GRID2: variants seen among roughly 807,000 people sequenced by gnomAD.
GRID2 encodes glutamate receptor ionotropic, delta-2.
GRID2 carries 33 observed loss-of-function variants against 114.8 expected under a neutral mutation model. The ratio of observed to expected loss-of-function variants is 0.29; its 90% confidence interval spans 0.22 to 0.38. The LOEUF (loss-of-function observed/expected upper bound fraction) is 0.38, where lower values mean the gene tolerates loss of function less well. Among genes scored for constraint, GRID2 ranks in the 10% least tolerant of loss-of-function variants. The pLI is 1.00. For synonymous variants in GRID2, 505 were observed against 449.9 expected, an observed-to-expected ratio of 1.12 and a Z score of -1.55; for missense variants, 1,184 against 1,257.7, an observed-to-expected ratio of 0.94 and a Z score of 0.89.
chr4:93,589,144 G>A (rs1305468015), intron 13 of GRID2, among the ~76,000 whole-genome samples: 3 of 151,640 alleles, frequency 2.0e-5, no homozygotes, highest in Non-Finnish European at 4.4e-5. Flanking sequence ...CTGGTGTGCT[G>A]CACGCACTAA....
chr4:92,400,724 T>C (rs548807892), intron 1 of GRID2, among the ~76,000 whole-genome samples: 9 of 152,146 alleles, frequency 5.9e-5, no homozygotes, highest in African/African-American at 2.2e-4. Flanking sequence ...ATTACCACCA[T>C]TAACGCATGA....
chr4:92,385,990 G>C (rs1471344940), intron 1 of GRID2, among the ~76,000 whole-genome samples: 4 of 150,388 alleles, frequency 2.7e-5, no homozygotes, highest in Admixed American at 2.0e-4. Context: ...TGCCCTTTGT[G>C]AAATGTCGTC....
chr4:92,948,993 G>A (rs953146119), intron 2 of GRID2, among the ~76,000 whole-genome samples: 1 of 151,336 alleles, frequency 6.6e-6, no homozygotes. Flanking sequence ...AGTGTGTGTG[G>A]GCTCGTGTGG....
intron 1 of GRID2, among the ~76,000 whole-genome samples, chr4:92,476,216 C>T (rs1034041252): frequency 5.3e-5 from 8 of 151,690 alleles, no homozygotes; most frequent in Non-Finnish European, 1.2e-4. Flanking sequence ...TAGTAGAGAC[C>T]GGGTTTCACC....
At chr4:93,654,578 A>C (rs985605833) in intron 14 of GRID2, among the ~76,000 whole-genome samples, 2 of 152,316 alleles carry the variant, frequency 1.3e-5, no homozygotes, top group African/African-American at 2.4e-5. Flanking sequence ...GGGAAAAAAA[A>C]CTTATGTAGT....
At chr4:93,774,900 A>G (rs1734331182), downstream of GRID2, among the ~76,000 whole-genome samples, 1 of 152,264 alleles carries the variant, frequency 6.6e-6, no homozygotes, top group Non-Finnish European at 1.5e-5. Flanking sequence ...AGGGTGTGTT[A>G]CATCAAAAAA....
intron 14 of GRID2, among the ~76,000 whole-genome samples, chr4:93,646,406 T>A (rs956876533): frequency 6.6e-6 from 1 of 152,078 alleles, no homozygotes; most frequent in Non-Finnish European, 1.5e-5. Flanking sequence ...GTTTAAGGAA[T>A]GACTAGGAGG....
intron 12 of GRID2, among the ~76,000 whole-genome samples, chr4:93,492,168 C>A (rs541243689): frequency 4.0e-5 from 6 of 151,778 alleles, no homozygotes; most frequent in African/African-American, 1.2e-4. Flanking sequence ...TACAACAGCC[C>A]AGCCAAAAGA....
intron 2 of GRID2, among the ~76,000 whole-genome samples, chr4:93,056,047 C>T (rs1231732881): frequency 6.6e-6 from 1 of 151,804 alleles, no homozygotes; most frequent in Non-Finnish European, 1.5e-5. Context: ...ATTAAGGTCC[C>T]ACATAGGTTT....
At chr4:93,097,747 C>G (rs960199017) in intron 3 of GRID2, among the ~76,000 whole-genome samples, 1 of 151,852 alleles carries the variant, frequency 6.6e-6, no homozygotes, top group Non-Finnish European at 1.5e-5. Flanking sequence ...GAATTCGTTA[C>G]TTTTTGATGC....
At chr4:93,702,022 A>C (rs1472968890) in intron 14 of GRID2, among the ~76,000 whole-genome samples, 2 of 152,108 alleles carry the variant, frequency 1.3e-5, no homozygotes, top group Non-Finnish European at 2.9e-5. Flanking sequence ...AACTAACTTT[A>C]TTACAGTATT....
At chr4:93,704,261 T>C (rs1727789875) in intron 14 of GRID2, among the ~76,000 whole-genome samples, 1 of 152,216 alleles carries the variant, frequency 6.6e-6, no homozygotes, top group Non-Finnish European at 1.5e-5. Flanking sequence ...GATGAGCATT[T>C]TTTCATGTGT....
At chr4:93,347,212 AT>A (rs927849070) in intron 8 of GRID2, among the ~76,000 whole-genome samples, 7 of 151,984 alleles carry the variant, frequency 4.6e-5, no homozygotes, top group African/African-American at 1.7e-4. Context: ...TTCAGAATAA[AT>A]TTCAAGTTGT....
intron 2 of GRID2, among the ~76,000 whole-genome samples, chr4:92,886,485 A>C (rs1246447832): frequency 6.6e-6 from 1 of 152,118 alleles, no homozygotes; most frequent in Non-Finnish European, 1.5e-5. Flanking sequence ...AATATAATGA[A>C]ATGAGGTATG....
chr4:93,115,741 G>A (rs531605749), intron 4 of GRID2, among the ~76,000 whole-genome samples: 2 of 152,180 alleles, frequency 1.3e-5, no homozygotes, highest in South Asian at 4.2e-4. Context: ...GAGAGAATGA[G>A]AGCCAATCCA....
At chr4:92,705,263 T>A (rs1261244074) in intron 2 of GRID2, among the ~76,000 whole-genome samples, 1 of 152,146 alleles carries the variant, frequency 6.6e-6, no homozygotes. Flanking sequence ...ATATAATCTA[T>A]TTCTGACACT....
chr4:92,982,891 C>T (rs933582153), intron 2 of GRID2, among the ~76,000 whole-genome samples: 5 of 151,958 alleles, frequency 3.3e-5, no homozygotes, highest in Admixed American at 1.3e-4. Flanking sequence ...TCTCATTAAC[C>T]TTTAGAGGAT....
intron 2 of GRID2, among the ~76,000 whole-genome samples, chr4:92,778,739 C>T (rs1485151320): frequency 1.3e-5 from 2 of 151,996 alleles, no homozygotes; most frequent in Non-Finnish European, 2.9e-5. Context: ...GAGTTAAAGT[C>T]TTACAGAACT....
chr4:92,533,200 T>TTTG (rs770820822), intron 1 of GRID2, among the ~76,000 whole-genome samples: 21 of 132,566 alleles, frequency 1.6e-4, no homozygotes, highest in Admixed American at 1.6e-4. Flanking sequence ...TTGTTTTTTT[T>TTTG]GTTTTTTTTT....
Sources: gnomAD v4.1 joint callset for allele counts (sites outside exome capture counted in the v4.1 genomes callset) on GRCh38, gnomAD v4.1.1 for gene constraint, MANE v1.5 for transcripts, NCBI Gene and HGNC (gene_info 2026-07-23, HGNC 2026-07-21) for gene names.